The following GPBP1 variants were observed in gnomAD, a reference collection of about 807,000 sequenced individuals.
The protein encoded by GPBP1 is vasculin.
Under a neutral mutation model 56.5 loss-of-function variants are expected in GPBP1, and 13 were observed. That is an observed-to-expected ratio of 0.23 (90% CI 0.15 to 0.37). The LOEUF is 0.37. Among genes scored for constraint, GPBP1 ranks in the 10% least tolerant of loss-of-function variants. The pLI is 1.00. For missense variants in GPBP1, 477 were observed against 572.3 expected, an observed-to-expected ratio of 0.83 and a Z score of 1.70; for synonymous variants, 204 against 188.9, an observed-to-expected ratio of 1.08 and a Z score of -0.66.
Position 57,175,973 on chromosome 5 carries a change from A to T in GPBP1, c.-485A>T, listed in dbSNP as rs1003052179. ...TCCTTTTATCTTTTATTTACGTGGA[A>T]ATTTAAGATGTTGCAGTTTTCCGGC... On this transcript the variant is annotated 5_prime_UTR_variant, in exon 2 of 12. Coordinates refer to ENST00000506184, the MANE Select transcript of GPBP1 (RefSeq NM_022913.4). 1 of 398,442 alleles carries T rather than the reference A, an allele frequency of 2.5e-6. No individual in the cohort carries two copies. The highest frequency in any genetic ancestry group is 2.1e-5 in the African/African-American group (1 of 48,622). 24.7% of individuals were successfully genotyped at this position (398,442 alleles called of 1,614,324 possible). A position where few individuals can be genotyped will look rare whatever the true frequency, so the allele number is the denominator to read the frequency against.
At chr5:57,245,560 GAAGA>G (rs1047097397) in intron 6 of GPBP1, 3 of 152,206 alleles carry the variant, frequency 2.0e-5, no homozygotes, top group South Asian at 2.1e-4. Context: ...TTTTGTAAGG[GAAGA>G]AAGAAAGACT....
At chr5:57,194,520 T>C (rs1754665029) in intron 2 of GPBP1, among the ~76,000 whole-genome samples, 1 of 152,236 alleles carries the variant, frequency 6.6e-6, no homozygotes, top group East Asian at 1.9e-4. Flanking sequence ...CATAATTTTC[T>C]ATATTAGGAA....
chr5:57,248,417 CTAT>C lies in GPBP1; in HGVS notation c.805-990_805-988del, dbSNP rs1230433618. Among the ~76,000 whole-genome samples the C allele has an allele frequency of 3.3e-4, 40 of 120,734 alleles. No individual in the cohort carries two copies. In the South Asian group the frequency reaches 9.9e-3, roughly 30 times the overall value. 79.2% of individuals were successfully genotyped at this position (120,734 alleles called of 152,430 possible). ...GTACTGTATTGGAACCCCTCATATACTATTTTTTTTTTTTTTTTTTTTTTTTTT... is the reference window on the plus strand; with the variant it reads ...GTACTGTATTGGAACCCCTCATATACTTTTTTTTTTTTTTTTTTTTTTTTT... On this transcript the variant is annotated intron_variant, in intron 8 of 11. Coordinates refer to ENST00000506184, the MANE Select transcript of GPBP1 (RefSeq NM_022913.4).
rs952607329 is a variant in GPBP1 at position 57,264,257 on chromosome 5, T to C, written c.*1505T>C. ...TTATACTTAAAATAAGGTTTCACTA[T>C]ATAATTTGTCACAATTCAATCTAAT... On this transcript the variant is annotated 3_prime_UTR_variant, in exon 12 of 12. Transcript: ENST00000506184. 6.6e-6 allele frequency: 1 copy of C among 152,178 alleles called. No homozygotes were observed. The highest frequency in any genetic ancestry group is 1.5e-5 in the Non-Finnish European group (1 of 68,016). The allele number at this position is 152,178 out of a possible 1,614,324, so 9.4% of individuals were successfully genotyped here. A position where few individuals can be genotyped will look rare whatever the true frequency, so the allele number is the denominator to read the frequency against.
Position 57,238,882 on chromosome 5 carries a change from G to A in GPBP1, c.478+2850G>A, listed in dbSNP as rs539028452. On this transcript the variant is annotated intron_variant, in intron 6 of 11. Coordinates refer to ENST00000506184, the MANE Select transcript of GPBP1 (RefSeq NM_022913.4). The stretch of plus-strand genomic sequence containing the variant: ...GTTCTTTTGGTTTGTTGAGCATTCT[G>A]AATCAAAGCAAATTAGTCACCAGTT... Among the ~76,000 whole-genome samples, 3 of 152,254 alleles carry A rather than the reference G, an allele frequency of 2.0e-5. No homozygotes were observed. The South Asian group carries it at 6.2e-4, about 32-fold the overall frequency.
chr5:57,264,642 T>G lies in GPBP1; in HGVS notation c.*1890T>G, dbSNP rs1041804534. The G allele has an allele frequency of 6.6e-6, 1 of 152,216 alleles. No individual in the cohort carries two copies. Among genetic ancestry groups the G allele is most frequent in the Non-Finnish European group, 1.5e-5 (1 of 68,022 alleles). 9.4% of individuals were successfully genotyped at this position (152,216 alleles called of 1,614,324 possible). A position where few individuals can be genotyped will look rare whatever the true frequency, so the allele number is the denominator to read the frequency against. On this transcript the variant is annotated 3_prime_UTR_variant, in exon 12 of 12. Coordinates refer to ENST00000506184, the MANE Select transcript of GPBP1 (RefSeq NM_022913.4). ...GCATTGTGATATGGAATGTGTTTAG[T>G]AATTTACTCCTTATAAATATGGTAA...
chr5:57,220,927 C>G (rs891362449), intron 3 of GPBP1, among the ~76,000 whole-genome samples: 1 of 152,178 alleles, frequency 6.6e-6, no homozygotes, highest in South Asian at 2.1e-4. Context: ...TGTTTTCTGC[C>G]ATAGACTTTT....
rs1047328578 is a variant in GPBP1 at position 57,221,483 on chromosome 5, A to G, written c.63+7290A>G. The G allele has an allele frequency of 1.2e-5, 10 of 824,604 alleles. No individual in the cohort carries two copies. The East Asian group carries it at 1.3e-4, about 11-fold the overall frequency. The allele number at this position is 824,604 out of a possible 1,614,324, so 51.1% of individuals were successfully genotyped here. A position where few individuals can be genotyped will look rare whatever the true frequency, so the allele number is the denominator to read the frequency against. ...ATTTGTTATGCTAGGAAGGATGACA[A>G]AATAATCCCTGTAAACAGGATGCTG... On this transcript the variant is annotated intron_variant, in intron 3 of 11. Transcript: ENST00000506184.
At chr5:57,218,843 T>TG (rs1561347750) in intron 3 of GPBP1, among the ~76,000 whole-genome samples, 1 of 152,212 alleles carries the variant, frequency 6.6e-6, no homozygotes, top group African/African-American at 2.4e-5. Flanking sequence ...CCATATGTGT[T>TG]GAAAAAGATA....
At chr5:57,237,014 G>C (rs559930858) in intron 6 of GPBP1, 5 of 670,058 alleles carry the variant, frequency 7.5e-6, no homozygotes, top group Non-Finnish European at 1.3e-5. Context: ...AGGGCTTTTT[G>C]AGGGTGGGGG....
At chr5:57,212,672 CTTTTTTT>C (rs550327781) in intron 2 of GPBP1, among the ~76,000 whole-genome samples, 4 of 139,746 alleles carry the variant, frequency 2.9e-5, no homozygotes, top group Non-Finnish European at 6.2e-5. Flanking sequence ...TTCTTTTTTT[CTTTTTTT>C]TTTTTTTGAG....
At position 57,246,476 on chromosome 5, in the gene GPBP1, C is replaced by G. The variant is rs1191884252; in HGVS notation, c.655C>G (p.Pro219Ala). Residue 219 changes from proline (P) to alanine (A), a missense_variant, in exon 7 of 12, where the codon CCT (proline) becomes GCT (alanine). Physicochemically the swap from Pro to Ala is conservative, Grantham distance 27. This residue lies in a region of GPBP1 where 414 missense variants were observed against 458.2 expected (regional missense o/e 0.90). Coordinates refer to ENST00000506184, the MANE Select transcript of GPBP1 (RefSeq NM_022913.4). ...TTTAGTCCCTAAACCTGCTGCTCCA[C>G]CTACAAAAGTAAGTTCTAAATTACC... is the stretch of plus-strand genomic sequence containing the variant. ...KGLVPKPAAPPTKPTQWKSQT... is the reference protein window; with the variant it reads ...KGLVPKPAAPATKPTQWKSQT... 1.1e-5 allele frequency: 17 copies of G among 1,591,210 alleles called. No individual in the cohort carries two copies. The highest frequency in any genetic ancestry group is 1.3e-5 in the Non-Finnish European group (15 of 1,170,260).
intron 3 of GPBP1, among the ~76,000 whole-genome samples, chr5:57,219,003 T>G (rs1386878085): frequency 6.6e-6 from 1 of 152,178 alleles, no homozygotes; most frequent in East Asian, 1.9e-4. Context: ...GAATCCAGGA[T>G]GTATCTCCTA....
At chr5:57,202,279 C>G (rs1050056215) in intron 2 of GPBP1, among the ~76,000 whole-genome samples, 1 of 152,044 alleles carries the variant, frequency 6.6e-6, no homozygotes, top group Non-Finnish European at 1.5e-5. Context: ...ACCAGTGGGC[C>G]TGGCTCCAGC....
At chr5:57,223,165 G>A (rs1307793847) in intron 3 of GPBP1, among the ~76,000 whole-genome samples, 1 of 151,702 alleles carries the variant, frequency 6.6e-6, no homozygotes, top group African/African-American at 2.4e-5. Context: ...TTAGAGACAG[G>A]GTCTCACTGT....
At chr5:57,184,037 G>A (rs1754179555) in intron 2 of GPBP1, among the ~76,000 whole-genome samples, 1 of 152,074 alleles carries the variant, frequency 6.6e-6, no homozygotes, top group South Asian at 2.1e-4. Flanking sequence ...TTTGAGACCA[G>A]CCTGGCCAAC....
chr5:57,185,287 G>A (rs973136160), intron 2 of GPBP1, among the ~76,000 whole-genome samples: 4 of 145,516 alleles, frequency 2.7e-5, no homozygotes, highest in Admixed American at 6.9e-5. Flanking sequence ...TAAAGACAGA[G>A]TTTTGCTGTT....
At chr5:57,182,667 G>C (rs1754108444) in intron 2 of GPBP1, among the ~76,000 whole-genome samples, 1 of 151,708 alleles carries the variant, frequency 6.6e-6, no homozygotes, top group Non-Finnish European at 1.5e-5. Flanking sequence ...CACCGCACTC[G>C]GCTTCTTCTC....
chr5:57,217,769 G>C (rs901929850), intron 3 of GPBP1, among the ~76,000 whole-genome samples: 7 of 152,056 alleles, frequency 4.6e-5, no homozygotes, highest in Non-Finnish European at 7.4e-5. Flanking sequence ...TATAATCCCA[G>C]TACTATGGGA....
Sources: gnomAD v4.1 joint callset for allele counts (sites outside exome capture counted in the v4.1 genomes callset) on GRCh38, gnomAD v4.1.1 for gene constraint, gnomAD v4.1.1 regional missense constraint, MANE v1.5 for transcripts, NCBI Gene and HGNC (gene_info 2026-07-23, HGNC 2026-07-21) for gene names.